The following SPOCK1 variants were observed in gnomAD, a reference collection of about 807,000 sequenced individuals.
SPOCK1 encodes SPARC (osteonectin), cwcv and kazal like domains proteoglycan 1.
In SPOCK1, 23 loss-of-function variants were observed where a neutral mutation model predicts 55.3. That is an observed-to-expected ratio of 0.42 (90% confidence interval 0.30 to 0.59). SPOCK1 has a LOEUF of 0.59. Ranked by LOEUF, SPOCK1 falls within the 20% of genes least tolerant of loss-of-function variation. The pLI is 0.22. For synonymous variants in SPOCK1, 226 were observed against 221.0 expected (o/e 1.02, Z -0.20); for missense variants, 499 against 552.5 (o/e 0.90, Z 0.97).
At chr5:137,235,327 T>G (rs568376519) in intron 3 of SPOCK1, among the ~76,000 whole-genome samples, 1 of 152,312 alleles carries the variant, frequency 6.6e-6, no homozygotes, top group Admixed American at 6.5e-5. Context: ...TATGTTCAGA[T>G]TACCTTATGG....
chr5:137,380,280 A>G (rs1751434516), intron 2 of SPOCK1, among the ~76,000 whole-genome samples: 1 of 152,244 alleles, frequency 6.6e-6, no homozygotes, highest in African/African-American at 2.4e-5. Context: ...ATGCAACAGA[A>G]AACTCATTAA....
intron 3 of SPOCK1, among the ~76,000 whole-genome samples, chr5:137,141,584 C>A (rs1363791020): frequency 6.6e-6 from 1 of 152,098 alleles, no homozygotes; most frequent in African/African-American, 2.4e-5. Context: ...AGATAAGGAC[C>A]ATGACGGGCA....
chr5:137,081,385 G>A (rs72792587), intron 5 of SPOCK1, among the ~76,000 whole-genome samples: 3,027 of 152,264 alleles, frequency 0.02, 44 homozygotes, highest in Non-Finnish European at 0.031. Flanking sequence ...TCTGAAAATG[G>A]AAAAACAGAT....
chr5:137,172,716 C>G (rs545306738), intron 3 of SPOCK1, among the ~76,000 whole-genome samples: 223 of 152,100 alleles, frequency 1.5e-3, no homozygotes, highest in African/African-American at 5.1e-3. Flanking sequence ...CACTCCTTAC[C>G]CCAGGGACAC....
chr5:137,478,394 T>C (rs1042413155), intron 2 of SPOCK1, among the ~76,000 whole-genome samples: 7 of 152,156 alleles, frequency 4.6e-5, no homozygotes, highest in African/African-American at 1.4e-4. Flanking sequence ...AAGCCTGGCA[T>C]TGGTATCCCA....
Position 137,116,605 on chromosome 5 carries a change from C to A in SPOCK1, c.348-4044G>T, listed in dbSNP as rs190711236. On this transcript the variant is annotated intron_variant, in intron 4 of 10. Coordinates refer to ENST00000394945, the MANE Select transcript of SPOCK1 (RefSeq NM_004598.4). ...AGGTTACAGTGAGCCGAGATCATAC[C>A]ACTGCACTCCAGCCTGGGCAACAAA... Among the ~76,000 whole-genome samples the A allele has an allele frequency of 4.0e-3, 602 of 152,122 alleles. 1 individual carries two copies. Among genetic ancestry groups the A allele is most frequent in the Admixed American group, 7.9e-3 (120 of 15,280 alleles).
At chr5:137,409,455 G>C (rs1404035592) in intron 2 of SPOCK1, among the ~76,000 whole-genome samples, 1 of 152,206 alleles carries the variant, frequency 6.6e-6, no homozygotes, top group Non-Finnish European at 1.5e-5. Context: ...TAGCATCTCA[G>C]AGCACAGGAT....
At chr5:137,327,114 A>AGC (rs1470837446) in intron 2 of SPOCK1, among the ~76,000 whole-genome samples, 1 of 152,188 alleles carries the variant, frequency 6.6e-6, no homozygotes, top group Non-Finnish European at 1.5e-5. Flanking sequence ...TGTGGTTAAG[A>AGC]GCACACACTC....
chr5:137,171,064 G>A (rs1476467054), intron 3 of SPOCK1, among the ~76,000 whole-genome samples: 4 of 152,134 alleles, frequency 2.6e-5, no homozygotes, highest in African/African-American at 9.7e-5. Context: ...TGGGGACAGT[G>A]TCCTATGGAG....
chr5:137,139,718 A>G (rs1754057782), intron 4 of SPOCK1, among the ~76,000 whole-genome samples: 1 of 152,260 alleles, frequency 6.6e-6, no homozygotes, highest in African/African-American at 2.4e-5. Context: ...ACACCTCTCA[A>G]TTGTACAGGC....
At chr5:137,156,995 T>C (rs1754429797) in intron 3 of SPOCK1, among the ~76,000 whole-genome samples, 1 of 152,200 alleles carries the variant, frequency 6.6e-6, no homozygotes, top group Admixed American at 6.5e-5. Flanking sequence ...TTTTAGGTTA[T>C]TTTTAATAGA....
At chr5:137,217,944 G>A (rs141222288) in intron 3 of SPOCK1, among the ~76,000 whole-genome samples, 1 of 150,270 alleles carries the variant, frequency 6.7e-6, no homozygotes, top group African/African-American at 2.5e-5. Flanking sequence ...CAACCTTACC[G>A]CATCTATATT....
intron 3 of SPOCK1, among the ~76,000 whole-genome samples, chr5:137,263,642 C>A (rs899987483): frequency 6.6e-6 from 1 of 152,186 alleles, no homozygotes; most frequent in South Asian, 2.1e-4. Context: ...ACTTCACAAG[C>A]GAAATTTCTC....
intron 2 of SPOCK1, among the ~76,000 whole-genome samples, chr5:137,350,564 T>C (rs1363994630): frequency 1.3e-5 from 2 of 152,026 alleles, no homozygotes; most frequent in Non-Finnish European, 2.9e-5. Flanking sequence ...AGGGGAAATG[T>C]CTAGAAGGCT....
At chr5:136,992,365 ATATT>A in intron 7 of SPOCK1, 115 bp downstream of exon 7, 3 of 799,542 alleles carry the variant, frequency 3.8e-6, no homozygotes, top group Non-Finnish European at 5.8e-6. Context: ...AGATTGGGAC[ATATT>A]TAAAGTCAAA....
intron 5 of SPOCK1, among the ~76,000 whole-genome samples, chr5:137,085,446 C>T (rs934464260): frequency 7.2e-5 from 11 of 152,224 alleles, no homozygotes; most frequent in African/African-American, 2.4e-4. Flanking sequence ...CAGAGAGCTT[C>T]TGGCCATGCC....
intron 2 of SPOCK1, among the ~76,000 whole-genome samples, chr5:137,385,678 G>A (rs1751584424): frequency 6.6e-6 from 1 of 152,144 alleles, no homozygotes; most frequent in African/African-American, 2.4e-5. Context: ...TGCTGAGATT[G>A]AGCCCACAAC....
intron 3 of SPOCK1, among the ~76,000 whole-genome samples, chr5:137,145,082 T>C (rs1754167703): frequency 1.3e-5 from 2 of 151,820 alleles, no homozygotes; most frequent in South Asian, 2.1e-4. Flanking sequence ...CTTTCCCACC[T>C]ATATGCAGAA....
intron 3 of SPOCK1, among the ~76,000 whole-genome samples, chr5:137,213,694 A>G (rs1006900466): frequency 2.3e-4 from 35 of 152,188 alleles, no homozygotes; most frequent in Admixed American, 6.5e-4. Context: ...CCCCATCTGT[A>G]AAATAGGGGA....
Sources: allele counts gnomAD v4.1 joint callset (sites outside exome capture counted in the v4.1 genomes callset), GRCh38; gene constraint gnomAD v4.1.1; transcripts MANE v1.5; gene names NCBI Gene and HGNC (gene_info 2026-07-23, HGNC 2026-07-21).